The following CDH7 variants were observed in gnomAD, a reference collection of about 807,000 sequenced individuals.
CDH7 encodes cadherin-7.
A neutral mutation model predicts 71.8 loss-of-function variants in CDH7; 25 were observed. The observed-to-expected ratio is 0.35, with a 90% CI of 0.25 to 0.49. The LOEUF is 0.49. CDH7 is among the 20% of genes least tolerant of loss of function. The pLI is 0.99. For synonymous variants in CDH7, 381 were observed against 363.8 expected (o/e 1.05, Z -0.54); for missense variants, 862 against 974.6 (o/e 0.88, Z 1.54).
At chr18:65,792,211 T>A (rs868435644) in intron 2 of CDH7, among the ~76,000 whole-genome samples, 1 of 132,712 alleles carries the variant, frequency 7.5e-6, no homozygotes, top group African/African-American at 3.2e-5. Flanking sequence ...TTTTTTTTTT[T>A]AAGACTGACA....
chr18:65,781,435 T>C (rs1329088787), intron 2 of CDH7, among the ~76,000 whole-genome samples: 1 of 152,104 alleles, frequency 6.6e-6, no homozygotes, highest in Non-Finnish European at 1.5e-5. Context: ...TACATATAAA[T>C]TACATACAAA....
intron 6 of CDH7, among the ~76,000 whole-genome samples, chr18:65,825,054 A>G (rs1912078431): frequency 6.6e-6 from 1 of 151,918 alleles, no homozygotes; most frequent in African/African-American, 2.4e-5. Context: ...ACTCGCAGCC[A>G]TTATCTATAG....
At chr18:65,846,414 T>A (rs1043602778) in intron 7 of CDH7, among the ~76,000 whole-genome samples, 2 of 152,152 alleles carry the variant, frequency 1.3e-5, no homozygotes, top group Admixed American at 1.3e-4. Context: ...AATAGAGAAA[T>A]AGATAGACTT....
At chr18:65,805,798 G>A (rs1911295291) in intron 2 of CDH7, among the ~76,000 whole-genome samples, 1 of 152,232 alleles carries the variant, frequency 6.6e-6, no homozygotes, top group Admixed American at 6.5e-5. Flanking sequence ...AGCACTTATT[G>A]ATAAAGATAC....
chr18:65,762,494 ATAAT>A (rs1916220062), intron 1 of CDH7, among the ~76,000 whole-genome samples, 149 bp from the exon 2 acceptor site: 1 of 152,116 alleles, frequency 6.6e-6, no homozygotes. Flanking sequence ...TTCTAAGTAT[ATAAT>A]TAATATTTTA....
At chr18:65,771,827 C>T (rs1309967192) in intron 2 of CDH7, among the ~76,000 whole-genome samples, 1 of 151,722 alleles carries the variant, frequency 6.6e-6, no homozygotes, top group African/African-American at 2.4e-5. Context: ...AAAGAGAGAG[C>T]CAAATGACAT....
rs1039392247 is a variant in CDH7, at chr18:65,885,703, G to C, written c.*4809G>C. The C allele has an allele frequency of 7.2e-5, 11 of 152,062 alleles. No individual in the cohort carries two copies. Among genetic ancestry groups the C allele is most frequent in the African/African-American group, 2.7e-4 (11 of 41,396 alleles). The allele number at this position is 152,062 out of a possible 1,614,324, so 9.4% of individuals were successfully genotyped here. ...TTTCATGTGTGTGATTGGGAACCTT[G>C]AGAGATGTATCTGAAGTAATGTAAA... On this transcript the variant is annotated 3_prime_UTR_variant, in exon 12 of 12. Coordinates refer to ENST00000397968, the MANE Select transcript of CDH7 (RefSeq NM_004361.5).
chr18:65,782,090 C>T (rs1599001353), intron 2 of CDH7, among the ~76,000 whole-genome samples: 1 of 51,690 alleles, frequency 1.9e-5, no homozygotes, highest in African/African-American at 1.9e-4. Flanking sequence ...TTCCTTCCTT[C>T]CTTCCTTCCT....
intron 6 of CDH7, among the ~76,000 whole-genome samples, chr18:65,826,099 CTT>C (rs1407407537): frequency 6.6e-6 from 1 of 151,240 alleles, no homozygotes; most frequent in African/African-American, 2.4e-5. Context: ...AAAAGTAAAA[CTT>C]GTTTTCTAAT....
At chr18:65,844,896 A>G (rs570272841) in intron 7 of CDH7, among the ~76,000 whole-genome samples, 1 of 152,218 alleles carries the variant, frequency 6.6e-6, no homozygotes, top group African/African-American at 2.4e-5. Context: ...TTTTGATTAC[A>G]AAGACTATAA....
chr18:65,759,286 C>T (rs1479116742), intron 1 of CDH7, among the ~76,000 whole-genome samples: 5 of 151,072 alleles, frequency 3.3e-5, no homozygotes, highest in Non-Finnish European at 7.4e-5. Context: ...TCGCTGTCAC[C>T]CAGGCTAGAG....
At chr18:65,795,210 T>G (rs1023954977) in intron 2 of CDH7, among the ~76,000 whole-genome samples, 5 of 152,328 alleles carry the variant, frequency 3.3e-5, no homozygotes, top group African/African-American at 1.2e-4. Context: ...ATTACTAATT[T>G]TTTTTATATT....
intron 2 of CDH7, among the ~76,000 whole-genome samples, chr18:65,809,365 T>G (rs571646370): frequency 1.1e-4 from 16 of 152,338 alleles, no homozygotes; most frequent in African/African-American, 3.8e-4. Flanking sequence ...CCATTATACA[T>G]GTTTACTGAA....
At chr18:65,854,514 A>T (rs1053644297) in intron 7 of CDH7, among the ~76,000 whole-genome samples, 3 of 151,498 alleles carry the variant, frequency 2.0e-5, no homozygotes, top group South Asian at 2.1e-4. Context: ...CTCAACTTTA[A>T]TTTTTTTTAT....
intron 11 of CDH7, among the ~76,000 whole-genome samples, chr18:65,873,282 A>T (rs1913980052): frequency 6.6e-6 from 1 of 152,308 alleles, no homozygotes; most frequent in Non-Finnish European, 1.5e-5. Context: ...ATGTCATTTG[A>T]CAATAAATCT....
intron 1 of CDH7, among the ~76,000 whole-genome samples, chr18:65,759,057 C>T (rs2143778729): frequency 6.6e-6 from 1 of 152,256 alleles, no homozygotes; most frequent in South Asian, 2.1e-4. Flanking sequence ...TAACTCCCTT[C>T]TTTGATATGT....
intron 4 of CDH7, among the ~76,000 whole-genome samples, chr18:65,816,419 C>A (rs1911726512): frequency 6.6e-6 from 1 of 152,044 alleles, no homozygotes; most frequent in Non-Finnish European, 1.5e-5. Flanking sequence ...TCTTGTTAGT[C>A]TTCCTTTCCT....
rs1387549181 is a variant in CDH7 at position 65,857,934 on chromosome 18, G to T, written c.1354G>T (p.Val452Phe). The T allele has an allele frequency of 6.2e-7, 1 of 1,613,358 alleles. No homozygotes were observed. The highest frequency in any genetic ancestry group is 8.5e-7 in the Non-Finnish European group (1 of 1,179,568). ...RETNAIHNIT[V>F]LAMESQNPSQ... ...GACAAATGCTATTCACAATATCACAGTCCTTGCAATGGAGAGCCGTAAGTT... is the reference window on the plus strand; with the variant it reads ...GACAAATGCTATTCACAATATCACATTCCTTGCAATGGAGAGCCGTAAGTT... The change falls in exon 8 of 12, where the codon GTC becomes TTC. Residue 452 changes from valine (V) to phenylalanine (F), a missense_variant. By Grantham distance (50) the Val-to-Phe change is conservative. Coordinates refer to ENST00000397968, the MANE Select transcript of CDH7 (RefSeq NM_004361.5).
At chr18:65,848,412 A>C (rs8097264) in intron 7 of CDH7, among the ~76,000 whole-genome samples, 27,124 of 152,168 alleles carry the variant, frequency 0.18, 2,841 homozygotes, top group Non-Finnish European at 0.24. Context: ...AAGTTAAACA[A>C]TATGGGGAAA....
Sources: gnomAD v4.1 joint callset for allele counts (sites outside exome capture counted in the v4.1 genomes callset) on GRCh38, gnomAD v4.1.1 for gene constraint, MANE v1.5 for transcripts, NCBI Gene and HGNC (gene_info 2026-07-23, HGNC 2026-07-21) for gene names.